The following ASCC3 variants were observed in gnomAD, a reference collection of about 807,000 sequenced individuals.
ASCC3 encodes the protein ASC-1 complex subunit P200.
In ASCC3, 158 loss-of-function variants were observed where a neutral mutation model predicts 256.3. That is an observed-to-expected ratio of 0.62 (90% CI 0.54 to 0.70). The LOEUF is 0.70. ASCC3 is among the 30% of genes least tolerant of loss of function. The pLI, the probability that ASCC3 is intolerant of heterozygous loss-of-function variation, is 0.00. For synonymous variants in ASCC3, 948 were observed against 883.4 expected (o/e 1.07, Z -1.30); for missense variants, 2,259 against 2,626.0 (o/e 0.86, Z 3.05).
At chr6:100,527,407 C>A (rs1184518586) in intron 37 of ASCC3, among the ~76,000 whole-genome samples, 1 of 152,154 alleles carries the variant, frequency 6.6e-6, no homozygotes, top group Non-Finnish European at 1.5e-5. Flanking sequence ...CAAAACATTT[C>A]GTACAGGTAT....
At chr6:100,623,745 C>T (rs1449076663) in intron 30 of ASCC3, among the ~76,000 whole-genome samples, 6 of 152,024 alleles carry the variant, frequency 3.9e-5, no homozygotes, top group Non-Finnish European at 7.4e-5. Flanking sequence ...TAAGAAAGAA[C>T]AATCACTATA....
At chr6:100,865,898 TG>T (rs1380990280) in intron 2 of ASCC3, among the ~76,000 whole-genome samples, 2 of 152,166 alleles carry the variant, frequency 1.3e-5, no homozygotes, top group Non-Finnish European at 2.9e-5. Context: ...GACATTTATA[TG>T]AAACCTGTTA....
intron 17 of ASCC3, among the ~76,000 whole-genome samples, chr6:100,654,211 C>A (rs1019202141): frequency 6.7e-6 from 1 of 148,474 alleles, no homozygotes; most frequent in African/African-American, 2.5e-5. Context: ...ACTAAACCAT[C>A]AAAAATATGC....
chr6:100,874,595 T>A (rs187381353), intron 1 of ASCC3, among the ~76,000 whole-genome samples: 10 of 152,036 alleles, frequency 6.6e-5, no homozygotes, highest in African/African-American at 2.4e-4. Flanking sequence ...ATTCATTCAC[T>A]AAGCAAATAT....
chr6:100,771,540 T>TACATA (rs57732140), intron 8 of ASCC3, among the ~76,000 whole-genome samples: 1 of 151,790 alleles, frequency 6.6e-6, no homozygotes, highest in African/African-American at 2.4e-5. Context: ...ATACGTAGAA[T>TACATA]AAAAAAACTC....
At chr6:100,698,621 A>C (rs990238827) in intron 13 of ASCC3, among the ~76,000 whole-genome samples, 6 of 152,200 alleles carry the variant, frequency 3.9e-5, no homozygotes, top group Admixed American at 3.9e-4. Flanking sequence ...ATAATTTAAT[A>C]CTTCTAATAG....
Position 100,594,680 on chromosome 6 carries a change from G to A in ASCC3, c.5304-4621C>T, listed in dbSNP as rs181021709. ...CATATGATCCAGCAATCCCAGTTCTGGGTATATACCCAAAGGAAATGAAAT... is the reference window on the plus strand; with the variant it reads ...CATATGATCCAGCAATCCCAGTTCTAGGTATATACCCAAAGGAAATGAAAT... On this transcript the variant is annotated intron_variant, in intron 34 of 41. Transcript: ENST00000369162. Among the ~76,000 whole-genome samples the A allele has an allele frequency of 1.2e-3, 184 of 152,108 alleles. 1 individual carries two copies. Among genetic ancestry groups the A allele is most frequent in the African/African-American group, 4.1e-3 (172 of 41,496 alleles).
At position 100,692,027 on chromosome 6, in the gene ASCC3, A is replaced by T. The variant is rs967572033; in HGVS notation, c.2152-12275T>A. Among the ~76,000 whole-genome samples, 2 of 152,092 alleles carry T rather than the reference A, an allele frequency of 1.3e-5. 1 individual carries two copies. Among genetic ancestry groups the T allele is most frequent in the Non-Finnish European group, 2.9e-5 (2 of 67,964 alleles). On this transcript the variant is annotated intron_variant, in intron 13 of 41. Coordinates refer to ENST00000369162, the MANE Select transcript of ASCC3 (RefSeq NM_006828.4). ...TGGAAGTGATCTATTTGGTAGGCCA[A>T]CGTTTAGTTGTTTTACAGAAGTTTT...
At chr6:100,610,024 A>G (rs1242168871) in intron 30 of ASCC3, among the ~76,000 whole-genome samples, 3 of 152,198 alleles carry the variant, frequency 2.0e-5, no homozygotes, top group Admixed American at 6.5e-5. Context: ...GGGAAACTCC[A>G]TGAGGAGAAT....
chr6:100,815,406 A>T, intron 4 of ASCC3, among the ~76,000 whole-genome samples: 1 of 152,112 alleles, frequency 6.6e-6, no homozygotes, highest in Non-Finnish European at 1.5e-5. Flanking sequence ...TAGAACTAAA[A>T]AAAAAAACTA....
At chr6:100,697,262 A>T (rs1401227012) in intron 13 of ASCC3, among the ~76,000 whole-genome samples, 1 of 152,066 alleles carries the variant, frequency 6.6e-6, no homozygotes, top group African/African-American at 2.4e-5. Context: ...GTACCTAGTT[A>T]ACAAGGCAAA....
intron 36 of ASCC3, among the ~76,000 whole-genome samples, chr6:100,581,159 T>G (rs924910843): frequency 6.6e-6 from 1 of 152,204 alleles, no homozygotes; most frequent in Non-Finnish European, 1.5e-5. Flanking sequence ...ATCGCCACAC[T>G]GACTTCCACA....
At chr6:100,713,624 TG>T (rs1484585422) in intron 13 of ASCC3, among the ~76,000 whole-genome samples, 4 of 152,198 alleles carry the variant, frequency 2.6e-5, no homozygotes, top group Admixed American at 6.5e-5. Context: ...CCTCTGGTAC[TG>T]GGGACACTGT....
At chr6:100,539,022 GA>G (rs1427183353) in intron 37 of ASCC3, among the ~76,000 whole-genome samples, 1 of 152,082 alleles carries the variant, frequency 6.6e-6, no homozygotes, top group Non-Finnish European at 1.5e-5. Context: ...TTGCTATGGA[GA>G]AAAGCCTTGA....
At chr6:100,586,750 A>G (rs1243334945) in intron 36 of ASCC3, among the ~76,000 whole-genome samples, 1 of 152,146 alleles carries the variant, frequency 6.6e-6, no homozygotes, top group African/African-American at 2.4e-5. Flanking sequence ...ATCAGATCCT[A>G]AAAATCTTAA....
At chr6:100,784,603 G>GA (rs1186428528) in intron 8 of ASCC3, among the ~76,000 whole-genome samples, 1 of 151,554 alleles carries the variant, frequency 6.6e-6, no homozygotes, top group South Asian at 2.1e-4. Context: ...GTCTAAAAGA[G>GA]AAAAAAAGTA....
chr6:100,815,569 T>A (rs780433489), intron 4 of ASCC3, among the ~76,000 whole-genome samples: 3 of 151,972 alleles, frequency 2.0e-5, no homozygotes, highest in Non-Finnish European at 4.4e-5. Context: ...AAAACTGATA[T>A]ATAGACAAAT....
intron 14 of ASCC3, among the ~76,000 whole-genome samples, chr6:100,666,893 T>G (rs959514361): frequency 3.9e-5 from 6 of 152,058 alleles, no homozygotes; most frequent in Non-Finnish European, 8.8e-5. Flanking sequence ...AGAAGATCAA[T>G]AAGAAACATG....
At chr6:100,715,248 C>A in intron 13 of ASCC3, 1 of 450,950 alleles carries the variant, frequency 2.2e-6, no homozygotes, top group Non-Finnish European at 3.9e-6. Context: ...AACAAAATAG[C>A]ACGACCTATC....
Sources: allele counts gnomAD v4.1 joint callset (sites outside exome capture counted in the v4.1 genomes callset), GRCh38; gene constraint gnomAD v4.1.1; transcripts MANE v1.5; gene names NCBI Gene and HGNC (gene_info 2026-07-23, HGNC 2026-07-21).